Variants in ACCSL observed in about 807,000 individuals in gnomAD.
ACCSL encodes the protein probable inactive 1-aminocyclopropane-1-carboxylate synthase-like protein 2.
ACCSL carries 55 observed loss-of-function variants against 61.7 expected under a neutral mutation model. The ratio of observed to expected loss-of-function variants is 0.89; its 90% CI spans 0.72 to 1.12. The LOEUF (loss-of-function observed/expected upper bound fraction) is 1.12. Ranked by LOEUF, ACCSL falls within the 50% of genes most tolerant of loss-of-function variation. The pLI is 0.00. For missense variants in ACCSL, 632 were observed against 698.0 expected (o/e 0.91, Z 1.07); for synonymous variants, 258 against 264.3 (o/e 0.98, Z 0.23).
chr11:43,976,649 G>C, the ACCSL span, among the ~76,000 whole-genome samples: 1 of 152,160 alleles, frequency 6.6e-6, no homozygotes, highest in Non-Finnish European at 1.5e-5. Context: ...TTCCATGCTG[G>C]AGTCTCCATT....
At chr11:43,946,272 T>C in the ACCSL span, among the ~76,000 whole-genome samples, 3 of 152,102 alleles carry the variant, frequency 2.0e-5, no homozygotes, top group Non-Finnish European at 2.9e-5. Context: ...CTAACTTTTA[T>C]ATTTTTAGTA....
the ACCSL span, among the ~76,000 whole-genome samples, chr11:44,021,950 T>C: frequency 6.6e-6 from 1 of 152,172 alleles, no homozygotes; most frequent in East Asian, 1.9e-4. Flanking sequence ...TATTTCTGGG[T>C]TCTCTCTTCT....
the ACCSL span, among the ~76,000 whole-genome samples, chr11:43,953,379 A>G: frequency 6.8e-6 from 1 of 147,878 alleles, no homozygotes; most frequent in African/African-American, 2.5e-5. Context: ...AAAATTGGCC[A>G]GGCGTGTGGT....
the ACCSL span, among the ~76,000 whole-genome samples, chr11:44,006,984 C>T: frequency 3.9e-5 from 6 of 152,280 alleles, no homozygotes; most frequent in Admixed American, 3.9e-4. Context: ...GTCAAGAATC[C>T]TCGTAGGCCT....
the ACCSL span, among the ~76,000 whole-genome samples, chr11:44,009,434 T>C: frequency 1.3e-5 from 2 of 151,966 alleles, no homozygotes; most frequent in South Asian, 4.2e-4. Context: ...GAGCACAGAG[T>C]CTGAAACAAA....
chr11:44,037,855 G>A, the ACCSL span, among the ~76,000 whole-genome samples: 1 of 140,548 alleles, frequency 7.1e-6, no homozygotes, highest in Admixed American at 7.5e-5. Flanking sequence ...TTGCATTATG[G>A]TATTCATCCA....
At chr11:43,972,168 C>G in the ACCSL span, among the ~76,000 whole-genome samples, 6 of 152,124 alleles carry the variant, frequency 3.9e-5, no homozygotes, top group African/African-American at 1.4e-4. Context: ...TCCCAAGAGT[C>G]CTGTAAGACA....
chr11:43,973,991 G>A, the ACCSL span: 1 of 152,204 alleles, frequency 6.6e-6, no homozygotes, highest in Non-Finnish European at 1.5e-5. Context: ...AATGTCACTA[G>A]CCTGTGATAG....
At chr11:43,939,274 C>G in the ACCSL span, among the ~76,000 whole-genome samples, 428 of 152,348 alleles carry the variant, frequency 2.8e-3, 4 homozygotes, top group African/African-American at 9.7e-3. Flanking sequence ...TTCTCATCCT[C>G]TAATATGTTT....
the ACCSL span, among the ~76,000 whole-genome samples, chr11:44,035,183 C>T: frequency 6.6e-6 from 1 of 152,078 alleles, no homozygotes; most frequent in African/African-American, 2.4e-5. Context: ...GTTTTCTTCA[C>T]AGCACTTACC....
the ACCSL span, chr11:43,942,265 G>C: frequency 6.1e-6 from 1 of 165,206 alleles, no homozygotes; most frequent in African/African-American, 2.4e-5. Context: ...TCTGGGACCA[G>C]GGGGCGGGGG....
chr11:43,982,294 C>G, the ACCSL span, among the ~76,000 whole-genome samples: 5 of 138,036 alleles, frequency 3.6e-5, no homozygotes, highest in African/African-American at 1.3e-4. Context: ...GTGGCGCAAT[C>G]TCGGCTCACT....
chr11:43,987,665 C>T, the ACCSL span, among the ~76,000 whole-genome samples: 2 of 152,058 alleles, frequency 1.3e-5, no homozygotes, highest in Non-Finnish European at 2.9e-5. Flanking sequence ...TGAGCCACAG[C>T]GGTCATCCAG....
At chr11:44,057,752 G>A (rs1952680349) in intron 11 of ACCSL, among the ~76,000 whole-genome samples, 1 of 147,648 alleles carries the variant, frequency 6.8e-6, no homozygotes, top group Admixed American at 6.7e-5. Flanking sequence ...CTTGCCTCAG[G>A]GCTGTGAACT....
At chr11:44,020,392 C>A in the ACCSL span, among the ~76,000 whole-genome samples, 1 of 152,112 alleles carries the variant, frequency 6.6e-6, no homozygotes, top group Non-Finnish European at 1.5e-5. Flanking sequence ...AGCAGACATC[C>A]TTCTATTGTT....
the ACCSL span, among the ~76,000 whole-genome samples, chr11:43,975,423 C>T: frequency 2.0e-5 from 3 of 152,262 alleles, no homozygotes; most frequent in South Asian, 6.2e-4. Flanking sequence ...ATCTCAGAAA[C>T]ATTTAAGGAG....
the ACCSL span, among the ~76,000 whole-genome samples, chr11:43,923,959 C>G: frequency 5.3e-4 from 81 of 152,298 alleles, no homozygotes; most frequent in African/African-American, 1.9e-3. Context: ...ATGTCACGCT[C>G]TCTCAGCACA....
the ACCSL span, among the ~76,000 whole-genome samples, chr11:44,037,871 G>GCATC: frequency 0.067 from 9,958 of 149,306 alleles, 604 homozygotes; most frequent in African/African-American, 0.16. Context: ...ATCCATCCAT[G>GCATC]CATCCATCCA....
the ACCSL span, chr11:43,995,232 GT>G: frequency 1.3e-5 from 2 of 152,196 alleles, no homozygotes; most frequent in East Asian, 3.9e-4. Context: ...GCACAGGAAG[GT>G]TGGGTGACCC....
Sources: gnomAD v4.1 joint callset for allele counts (sites outside exome capture counted in the v4.1 genomes callset) on GRCh38, gnomAD v4.1.1 for gene constraint, MANE v1.5 for transcripts, NCBI Gene and HGNC (gene_info 2026-07-23, HGNC 2026-07-21) for gene names.